The following RAP1B variants were observed in gnomAD, a reference collection of about 807,000 sequenced individuals.
RAP1B encodes the protein RAP1B, member of RAS oncogene family.
Under a neutral mutation model 27.5 loss-of-function variants are expected in RAP1B, and 1 was observed. That is an observed-to-expected ratio of 0.04 (90% CI 0.01 to 0.17). RAP1B has a LOEUF of 0.17. RAP1B is among the 10% of genes least tolerant of loss of function. RAP1B has a pLI of 1.00. For synonymous variants in RAP1B, 75 were observed against 73.1 expected, an observed-to-expected ratio of 1.03 and a Z score of -0.13; for missense variants, 84 against 214.8, an observed-to-expected ratio of 0.39 and a Z score of 3.81.
At chr12:68,627,412 C>G in intron 1 of RAP1B, 1 of 508,232 alleles carries the variant, frequency 2.0e-6, no homozygotes. Context: ...ATACCCAATC[C>G]CTACTAGAAT....
chr12:68,621,409 A>AT (rs923972159), intron 1 of RAP1B: 1 of 152,182 alleles, frequency 6.6e-6, no homozygotes, highest in African/African-American at 2.4e-5. Context: ...AAATCCTTCT[A>AT]TTTTAGCTTG....
chr12:68,622,487 T>C (rs925032200), intron 1 of RAP1B, among the ~76,000 whole-genome samples: 9 of 152,234 alleles, frequency 5.9e-5, no homozygotes, highest in African/African-American at 2.2e-4. Context: ...CACTAAGCTC[T>C]AGCCAGCTGT....
chr12:68,656,048 C>T (rs915857830), intron 5 of RAP1B, among the ~76,000 whole-genome samples: 7 of 152,110 alleles, frequency 4.6e-5, no homozygotes, highest in African/African-American at 1.7e-4. Flanking sequence ...AGTTTTCTTT[C>T]TCTCTTTTCT....
intron 1 of RAP1B, among the ~76,000 whole-genome samples, chr12:68,611,808 CCTCTT>C (rs1406264315): frequency 6.6e-6 from 1 of 152,148 alleles, no homozygotes; most frequent in Non-Finnish European, 1.5e-5. Context: ...GGAAGTTTGT[CCTCTT>C]CTCTTTTTCG....
intron 1 of RAP1B, among the ~76,000 whole-genome samples, chr12:68,625,750 C>T (rs532603110): frequency 6.6e-5 from 10 of 152,146 alleles, no homozygotes; most frequent in Non-Finnish European, 8.8e-5. Context: ...GAAACCTCCC[C>T]GTCTCTACTA....
Position 68,665,827 on chromosome 12 carries a change from CTTATAT to C in RAP1B, c.*6582_*6587del, listed in dbSNP as rs1253158796. 1 of 151,300 alleles carries C rather than the reference CTTATAT, an allele frequency of 6.6e-6. No individual in the cohort carries two copies. The highest frequency in any genetic ancestry group is 1.5e-5 in the Non-Finnish European group (1 of 67,902). The allele number at this position is 151,300 out of a possible 1,614,324, so 9.4% of individuals were successfully genotyped here. A position where few individuals can be genotyped will look rare whatever the true frequency, so the allele number is the denominator to read the frequency against. On this transcript the variant is annotated 3_prime_UTR_variant, in exon 8 of 8. Coordinates refer to ENST00000250559, the MANE Select transcript of RAP1B (RefSeq NM_001010942.3). ...CTGTTTCAGAGTCAGTATTGGCAAACTTATATTTAAATTCAGCTGTAACAAGACATC... is the reference window on the plus strand; with the variant it reads ...CTGTTTCAGAGTCAGTATTGGCAAACTTAAATTCAGCTGTAACAAGACATC...
At chr12:68,656,276 T>C in intron 5 of RAP1B, 30 bp from the exon 6 acceptor site, 1 of 1,561,304 alleles carries the variant, frequency 6.4e-7, no homozygotes, top group Non-Finnish European at 8.8e-7. Flanking sequence ...ATTTACTTAT[T>C]TATTTTTACT....
intron 1 of RAP1B, among the ~76,000 whole-genome samples, chr12:68,623,423 AG>A (rs1030013554): frequency 1.3e-5 from 2 of 152,210 alleles, no homozygotes; most frequent in Non-Finnish European, 2.9e-5. Flanking sequence ...TTGCCCTGGT[AG>A]ATGTTTGTAA....
intron 2 of RAP1B, chr12:68,649,228 T>G (rs1297201844): frequency 6.4e-6 from 1 of 156,738 alleles, no homozygotes; most frequent in Admixed American, 6.2e-5. Context: ...AAATTTTTTG[T>G]AGAGATGGCG....
intron 2 of RAP1B, chr12:68,649,385 T>C (rs1429380750): frequency 6.6e-6 from 1 of 152,182 alleles, no homozygotes; most frequent in Non-Finnish European, 1.5e-5. Flanking sequence ...ACATTTTATG[T>C]TAGAAAATAT....
chr12:68,641,931 A>G (rs887975182), intron 1 of RAP1B, among the ~76,000 whole-genome samples: 1 of 152,178 alleles, frequency 6.6e-6, no homozygotes, highest in African/African-American at 2.4e-5. Flanking sequence ...AATCATGCAT[A>G]AAGTTTATAA....
chr12:68,618,456 ATAAT>A (rs970190012), intron 1 of RAP1B, among the ~76,000 whole-genome samples: 2 of 152,198 alleles, frequency 1.3e-5, no homozygotes, highest in Non-Finnish European at 2.9e-5. Flanking sequence ...GGACTAATAA[ATAAT>A]TGTGAGTTTT....
chr12:68,626,480 C>G (rs1007968936), intron 1 of RAP1B, among the ~76,000 whole-genome samples: 4 of 152,048 alleles, frequency 2.6e-5, no homozygotes, highest in Non-Finnish European at 5.9e-5. Flanking sequence ...CATAGAGAAC[C>G]ATCTTGGATA....
chr12:68,664,544 CTAAAAA>C lies in RAP1B; in HGVS notation c.*5299_*5304del, dbSNP rs1328814655. The C allele has an allele frequency of 1.3e-5, 2 of 152,066 alleles. No homozygotes were observed. Among genetic ancestry groups the C allele is most frequent in the East Asian group, 3.9e-4 (2 of 5,178 alleles). The allele number at this position is 152,066 out of a possible 1,614,324, so 9.4% of individuals were successfully genotyped here. ...CCAACATGGTGAAACCCCGTCTCTA[CTAAAAA>C]TAACAAAAATTAGACGGGCACGGTG... On this transcript the variant is annotated 3_prime_UTR_variant, in exon 8 of 8. Transcript: ENST00000250559.
At chr12:68,648,862 TTTG>T in intron 2 of RAP1B, 81 bp downstream of exon 2, 12 of 1,289,018 alleles carry the variant, frequency 9.3e-6, no homozygotes, top group Non-Finnish European at 1.3e-5. Flanking sequence ...ATGATTTGTC[TTTG>T]TTAAGATAAA....
intron 1 of RAP1B, among the ~76,000 whole-genome samples, chr12:68,612,293 A>G (rs1870660913): frequency 6.6e-6 from 1 of 152,248 alleles, no homozygotes; most frequent in African/African-American, 2.4e-5. Context: ...GACTTGCTCA[A>G]CAAGACCTTA....
At chr12:68,642,778 C>CT in intron 1 of RAP1B, 1 of 1,050,388 alleles carries the variant, frequency 9.5e-7, no homozygotes, top group Non-Finnish European at 1.5e-6. Context: ...GGGCATTAAA[C>CT]TTCTTAAAGT....
At chr12:68,637,756 A>T (rs559312965) in intron 1 of RAP1B, among the ~76,000 whole-genome samples, 1 of 152,130 alleles carries the variant, frequency 6.6e-6, no homozygotes, top group Non-Finnish European at 1.5e-5. Context: ...TTTACTTTTA[A>T]GTGTATAAGG....
Position 68,656,391 on chromosome 12 carries a change from A to G in RAP1B, c.410A>G (p.Gln137Arg). 6.2e-7 allele frequency: 1 copy of G among 1,610,992 alleles called. No individual in the cohort carries two copies. Among genetic ancestry groups the G allele is most frequent in the South Asian group, 1.1e-5 (1 of 90,986 alleles). Residue 137 changes from glutamine (Q) to arginine (R), a missense_variant, in exon 6 of 8, where the codon CAA (glutamine) becomes CGA (arginine). Gln to Arg is a conservative substitution (Grantham distance 43). Coordinates refer to ENST00000250559, the MANE Select transcript of RAP1B (RefSeq NM_001010942.3). ...GAACAAGGTCAAAATCTAGCAAGAC[A>G]ATGGAACAACTGTGCATTCTTAGAA... ...GKEQGQNLARQWNNCAFLESS... is the reference protein window; with the variant it reads ...GKEQGQNLARRWNNCAFLESS...
Sources: allele counts gnomAD v4.1 joint callset (sites outside exome capture counted in the v4.1 genomes callset), GRCh38; gene constraint gnomAD v4.1.1; transcripts MANE v1.5; gene names NCBI Gene and HGNC (gene_info 2026-07-23, HGNC 2026-07-21).